Variants in CLGN observed in about 807,000 individuals in gnomAD.
CLGN encodes testis tissue sperm-binding protein Li 79P.
A neutral mutation model predicts 79.1 loss-of-function variants in CLGN; 62 were observed. The ratio of observed to expected loss-of-function variants is 0.78; its 90% CI spans 0.64 to 0.97. The LOEUF (loss-of-function observed/expected upper bound fraction) is 0.97. Ranked by LOEUF, CLGN falls within the 50% of genes least tolerant of loss-of-function variation. The pLI is 0.00. For synonymous variants in CLGN, 225 were observed against 224.7 expected (o/e 1.00, Z -0.01); for missense variants, 647 against 715.5 (o/e 0.90, Z 1.09).
intron 1 of CLGN, among the ~76,000 whole-genome samples, chr4:140,423,754 A>AGT (rs1729513694): frequency 6.6e-6 from 1 of 152,104 alleles, no homozygotes; most frequent in African/African-American, 2.4e-5. Context: ...ATCTTGATAG[A>AGT]GTGTGTGTTT....
intron 5 of CLGN, among the ~76,000 whole-genome samples, chr4:140,405,600 T>A (rs901733575): frequency 1.3e-5 from 2 of 152,242 alleles, no homozygotes; most frequent in Non-Finnish European, 2.9e-5. Flanking sequence ...TAAATTTTTT[T>A]AAGAGAGCCA....
At position 140,388,622 on chromosome 4, in the gene CLGN, T is replaced by A. The variant is rs567939534; in HGVS notation, c.*602A>T. On this transcript the variant is annotated 3_prime_UTR_variant, in exon 15 of 15. Coordinates refer to ENST00000325617, the MANE Select transcript of CLGN (RefSeq NM_004362.3). ...ATTATCCTTGTATTCAAATGTAAAA[T>A]ATGCTGCAATATAATCCAGTGATTT... is the stretch of plus-strand genomic sequence containing the variant. The A allele has an allele frequency of 4.6e-5, 7 of 152,024 alleles. No homozygotes were observed. The highest frequency in any genetic ancestry group is 1.7e-4 in the African/African-American group (7 of 41,544). The allele number at this position is 152,024 out of a possible 1,614,324, so 9.4% of individuals were successfully genotyped here.
At chr4:140,399,898 A>G (rs1430593196) in intron 7 of CLGN, among the ~76,000 whole-genome samples, 1 of 152,190 alleles carries the variant, frequency 6.6e-6, no homozygotes, top group African/African-American at 2.4e-5. Context: ...AACAATAATC[A>G]CAACTGCCTA....
intron 1 of CLGN, among the ~76,000 whole-genome samples, chr4:140,414,996 G>T (rs1729298106): frequency 6.6e-6 from 1 of 151,596 alleles, no homozygotes. Context: ...ACTAACAGCG[G>T]ATCTCTCAGC....
chr4:140,411,032 T>C (rs1729200519), intron 2 of CLGN, among the ~76,000 whole-genome samples: 1 of 151,994 alleles, frequency 6.6e-6, no homozygotes, highest in South Asian at 2.1e-4. Context: ...CCCTAAAAGA[T>C]AATAATATAA....
chr4:140,425,446 G>GTGTC (rs1553946850), intron 1 of CLGN, among the ~76,000 whole-genome samples: 116 of 149,518 alleles, frequency 7.8e-4, no homozygotes, highest in African/African-American at 1.6e-3. Context: ...GTGTGTGTGT[G>GTGTC]TGTGTGTGTG....
Position 140,390,713 on chromosome 4 carries a change from G to A in CLGN, c.1667C>T (p.Pro556Leu). The change falls in exon 14 of 15, where the codon CCT (proline) becomes CTT (leucine). Residue 556 changes from proline to leucine, a missense_variant. Physicochemically the swap from Pro to Leu is moderately conservative, Grantham distance 98. Transcript: ENST00000325617. ...AATTTCTTCTTCACTCTTTTCCTCA[G>A]GTTCACTTTCCTCTTCTAGAATACA... The part of the protein sequence containing the change: ...EMLEKEEESE[P>L]EEKSEEEIEI... 6.3e-7 allele frequency: 1 copy of A among 1,599,312 alleles called. No homozygotes were observed. Among genetic ancestry groups the A allele is most frequent in the Non-Finnish European group, 8.5e-7 (1 of 1,171,864 alleles).
At chr4:140,418,224 C>T (rs1467056819) in intron 1 of CLGN, among the ~76,000 whole-genome samples, 190 of 152,040 alleles carry the variant, frequency 1.2e-3, no homozygotes, top group African/African-American at 4.4e-3. Flanking sequence ...AAGGCTTAAA[C>T]GTTAGACCTA....
chr4:140,421,545 C>T lies in CLGN; in HGVS notation c.-10+5992G>A, dbSNP rs1394859671. The stretch of plus-strand genomic sequence containing the variant: ...ATATTGTGGTTTGATTTGCATTTCC[C>T]TGATGATTAGTGATACTGAGTATCT... On this transcript the variant is annotated intron_variant, in intron 1 of 14. Transcript: ENST00000325617. Among the ~76,000 whole-genome samples the T allele has an allele frequency of 2.6e-5, 4 of 152,034 alleles. No homozygotes were observed. The East Asian group carries it at 7.7e-4, about 29-fold the overall frequency.
At chr4:140,410,752 T>C in intron 2 of CLGN, 126 bp from the exon 3 acceptor site, 1 of 606,722 alleles carries the variant, frequency 1.6e-6, no homozygotes, top group East Asian at 2.8e-5. Context: ...GGTGACAAAC[T>C]CAAATAGGAT....
Position 140,396,194 on chromosome 4 carries a change from T to C in CLGN, c.896A>G (p.Glu299Gly). The change falls in exon 9 of 15, where the codon GAA (glutamate) becomes GGA (glycine). Residue 299 changes from glutamate (E) to glycine (G), a missense_variant. By Grantham distance (98) the Glu-to-Gly change is moderately conservative. Coordinates refer to ENST00000325617, the MANE Select transcript of CLGN (RefSeq NM_004362.3). ...AVKPEDWDES[E>G]PAQIEDSSVV... ...ACTTGAATCTTCTATTTGGGCAGGT[T>C]CACTTTCATCCCTGTAAATACAACG... is the stretch of plus-strand genomic sequence containing the variant. 6.2e-7 allele frequency: 1 copy of C among 1,613,722 alleles called. No individual in the cohort carries two copies. Among genetic ancestry groups the C allele is most frequent in the Non-Finnish European group, 8.5e-7 (1 of 1,179,630 alleles).
Position 140,420,127 on chromosome 4 carries a change from G to GA in CLGN, c.-9-7041dup, listed in dbSNP as rs200664693. ...TTAGGTTCCAAACAATTAATTTGTT[G>GA]AAAAAAAAACATTCTAAGTGCTTTG... On this transcript the variant is annotated intron_variant, in intron 1 of 14. Coordinates refer to ENST00000325617, the MANE Select transcript of CLGN (RefSeq NM_004362.3). 1.1e-3 allele frequency among the ~76,000 whole-genome samples: 171 copies of GA among 150,390 alleles called. 1 individual carries two copies. The East Asian group carries it at 0.015, about 13-fold the overall frequency.
chr4:140,408,890 C>T lies in CLGN; in HGVS notation c.277+947G>A, dbSNP rs552023462. Among the ~76,000 whole-genome samples the T allele has an allele frequency of 1.3e-3, 196 of 147,992 alleles. 1 individual carries two copies. Among genetic ancestry groups the T allele is most frequent in the Non-Finnish European group, 2.3e-3 (153 of 67,128 alleles). On this transcript the variant is annotated intron_variant, in intron 4 of 14. Coordinates refer to ENST00000325617, the MANE Select transcript of CLGN (RefSeq NM_004362.3). ...ATATATATATATATATATATACACACACACACATATATATACACACATATA... is the reference window on the plus strand; with the variant it reads ...ATATATATATATATATATATACACATACACACATATATATACACACATATA...
chr4:140,396,066 GA>G, intron 9 of CLGN, 25 bp downstream of exon 9: 1 of 1,609,478 alleles, frequency 6.2e-7, no homozygotes, highest in Non-Finnish European at 8.5e-7. Flanking sequence ...ATTTGAAATC[GA>G]CATTTGAAGA....
At chr4:140,422,909 G>T (rs1371037754) in intron 1 of CLGN, among the ~76,000 whole-genome samples, 2 of 152,152 alleles carry the variant, frequency 1.3e-5, no homozygotes, top group African/African-American at 4.8e-5. Context: ...GAGCCACCAT[G>T]CCTGGCCTTC....
At chr4:140,400,334 A>C (rs776508340) in intron 7 of CLGN, 23 bp downstream of exon 7, 1 of 1,521,950 alleles carries the variant, frequency 6.6e-7, no homozygotes, top group Non-Finnish European at 9.0e-7. Context: ...TTTTGAATAC[A>C]TGAATGAATT....
At chr4:140,402,442 T>C (rs1729017605) in intron 5 of CLGN, among the ~76,000 whole-genome samples, 1 of 151,820 alleles carries the variant, frequency 6.6e-6, no homozygotes, top group Admixed American at 6.6e-5. Context: ...TAAAAAAAAA[T>C]AAAGGCCGTA....
chr4:140,403,226 C>T (rs1364810822), intron 5 of CLGN, among the ~76,000 whole-genome samples: 1 of 152,138 alleles, frequency 6.6e-6, no homozygotes, highest in African/African-American at 2.4e-5. Context: ...ACTCTAGTGA[C>T]TCCTTGGGTA....
At chr4:140,393,714 G>C in intron 11 of CLGN, 112 bp downstream of exon 11, 4 of 869,536 alleles carry the variant, frequency 4.6e-6, no homozygotes, top group Non-Finnish European at 7.0e-6. Context: ...TTGGCATTTA[G>C]TAGTTACTGC....
Sources: gnomAD v4.1 joint callset for allele counts (sites outside exome capture counted in the v4.1 genomes callset) on GRCh38, gnomAD v4.1.1 for gene constraint, MANE v1.5 for transcripts, NCBI Gene and HGNC (gene_info 2026-07-23, HGNC 2026-07-21) for gene names.